The following SIPA1L1 variants were observed in gnomAD, a reference collection of about 807,000 sequenced individuals.
SIPA1L1 encodes the protein signal-induced proliferation-associated 1-like protein 1.
SIPA1L1 carries 26 observed loss-of-function variants against 162.7 expected under a neutral mutation model. The observed-to-expected ratio is 0.16, with a 90% CI of 0.12 to 0.22. The LOEUF (loss-of-function observed/expected upper bound fraction) is 0.22, where lower values mean the gene tolerates loss of function less well. Ranked by LOEUF, SIPA1L1 falls within the 10% of genes least tolerant of loss-of-function variation. SIPA1L1 has a pLI of 1.00. For synonymous variants in SIPA1L1, 829 were observed against 837.4 expected (o/e 0.99, Z 0.17); for missense variants, 1,874 against 2,241.0 (o/e 0.84, Z 3.31).
intron 4 of SIPA1L1, among the ~76,000 whole-genome samples, chr14:71,567,295 A>G (rs1485281260): frequency 6.6e-6 from 1 of 152,208 alleles, no homozygotes; most frequent in Non-Finnish European, 1.5e-5. Context: ...TCTAAAGAAG[A>G]TGTGAAAGGA....
At chr14:71,482,695 C>G in intron 2 of SIPA1L1, among the ~76,000 whole-genome samples, 2 of 152,298 alleles carry the variant, frequency 1.3e-5, no homozygotes, top group Middle Eastern at 3.4e-3. Flanking sequence ...TATTTAACCT[C>G]TTAAGCTTTC....
chr14:71,528,237 G>A (rs1275813432), intron 3 of SIPA1L1, among the ~76,000 whole-genome samples: 4 of 152,254 alleles, frequency 2.6e-5, no homozygotes, highest in Non-Finnish European at 4.4e-5. Flanking sequence ...TGTCTCCTCA[G>A]ATCTTCAAGT....
intron 2 of SIPA1L1, among the ~76,000 whole-genome samples, chr14:71,415,506 G>T (rs1566993009): frequency 6.6e-6 from 1 of 152,186 alleles, no homozygotes; most frequent in Non-Finnish European, 1.5e-5. Context: ...CAAGCAGCCT[G>T]CAGGAATGCT....
chr14:71,409,865 ATTGAC>A (rs2042284775), intron 2 of SIPA1L1, among the ~76,000 whole-genome samples: 1 of 152,184 alleles, frequency 6.6e-6, no homozygotes, highest in South Asian at 2.1e-4. Flanking sequence ...ACTTTTCATA[ATTGAC>A]TTAGTAACAG....
At chr14:71,455,184 G>A (rs1217891504) in intron 2 of SIPA1L1, among the ~76,000 whole-genome samples, 1 of 152,222 alleles carries the variant, frequency 6.6e-6, no homozygotes, top group Non-Finnish European at 1.5e-5. Flanking sequence ...ACTGTAACAA[G>A]TTGGTTTACA....
intron 4 of SIPA1L1, among the ~76,000 whole-genome samples, chr14:71,556,992 G>C (rs2056409801): frequency 6.6e-6 from 1 of 152,154 alleles, no homozygotes; most frequent in Non-Finnish European, 1.5e-5. Context: ...GGAGGTCAGA[G>C]AGAGAGAGAT....
chr14:71,413,770 T>G (rs1322893624), intron 2 of SIPA1L1, among the ~76,000 whole-genome samples: 1 of 152,156 alleles, frequency 6.6e-6, no homozygotes, highest in African/African-American at 2.4e-5. Context: ...TGTATTGAGC[T>G]GCACATAAAG....
intron 2 of SIPA1L1, among the ~76,000 whole-genome samples, chr14:71,472,591 A>C (rs2047546299): frequency 6.6e-6 from 1 of 152,090 alleles, no homozygotes; most frequent in South Asian, 2.1e-4. Context: ...ACAGTCATTC[A>C]GGAGACTGAT....
intron 2 of SIPA1L1, among the ~76,000 whole-genome samples, chr14:71,477,588 A>G (rs1458090444): frequency 6.6e-6 from 1 of 152,204 alleles, no homozygotes; most frequent in Non-Finnish European, 1.5e-5. Context: ...TGAGCCTCCC[A>G]AAGTGCGAGG....
At chr14:71,446,894 G>GGTTTTTTTTTTTTTTT (rs2045394010) in intron 2 of SIPA1L1, among the ~76,000 whole-genome samples, 4 of 87,406 alleles carry the variant, frequency 4.6e-5, no homozygotes, top group African/African-American at 1.3e-4. Flanking sequence ...GATGGGCTCT[G>GGTTTTTTTTTTTTTTT]TTTTTTTTTT....
At position 71,739,225 on chromosome 14, in the gene SIPA1L1, T is replaced by A; in HGVS notation, c.*64T>A. On this transcript the variant is annotated 3_prime_UTR_variant, in exon 24 of 24. Transcript: ENST00000381232. ...CCTCCAGTGAGTGTCCTGCAGCCCT[T>A]ATTCCCTCCATAGAAAGCATCCTCA... 1 of 1,472,996 alleles carries A rather than the reference T, an allele frequency of 6.8e-7. No individual in the cohort carries two copies. Among genetic ancestry groups the A allele is most frequent in the Non-Finnish European group, 9.1e-7 (1 of 1,098,544 alleles). 91.2% of individuals were successfully genotyped at this position (1,472,996 alleles called of 1,614,324 possible). A position where few individuals can be genotyped will look rare whatever the true frequency, so the allele number is the denominator to read the frequency against.
At chr14:71,396,987 T>A (rs2041257382) in intron 2 of SIPA1L1, among the ~76,000 whole-genome samples, 1 of 152,228 alleles carries the variant, frequency 6.6e-6, no homozygotes. Context: ...TAAGGTAAAC[T>A]AAATGGACAA....
intron 4 of SIPA1L1, among the ~76,000 whole-genome samples, chr14:71,539,695 G>C (rs1444701381): frequency 6.6e-6 from 1 of 152,008 alleles, no homozygotes; most frequent in African/African-American, 2.4e-5. Flanking sequence ...TTTTTGTTTT[G>C]TGATTTAACT....
At chr14:71,691,416 A>AC (rs1171552309) in intron 13 of SIPA1L1, among the ~76,000 whole-genome samples, 2 of 151,874 alleles carry the variant, frequency 1.3e-5, no homozygotes, top group African/African-American at 4.8e-5. Context: ...ACATAGTGAG[A>AC]CCCCGTATCT....
At chr14:71,615,585 G>A (rs1258730097) in intron 5 of SIPA1L1, among the ~76,000 whole-genome samples, 1 of 152,218 alleles carries the variant, frequency 6.6e-6, no homozygotes, top group Non-Finnish European at 1.5e-5. Flanking sequence ...ATGAGCAACT[G>A]GGTGAATGTG....
chr14:71,376,713 C>T (rs1181897219), intron 2 of SIPA1L1, among the ~76,000 whole-genome samples: 1 of 151,940 alleles, frequency 6.6e-6, no homozygotes, highest in Non-Finnish European at 1.5e-5. Flanking sequence ...GACCCTGCGG[C>T]CTTCCTTAGT....
At chr14:71,616,763 T>C (rs1258137601) in intron 5 of SIPA1L1, among the ~76,000 whole-genome samples, 1 of 152,188 alleles carries the variant, frequency 6.6e-6, no homozygotes, top group South Asian at 2.1e-4. Flanking sequence ...TACCAGAGAA[T>C]AGAGCATGTT....
chr14:71,614,183 A>C (rs908947166), intron 5 of SIPA1L1, among the ~76,000 whole-genome samples: 1 of 150,974 alleles, frequency 6.6e-6, no homozygotes, highest in South Asian at 2.1e-4. Context: ...ATGCCACGGC[A>C]CTCCAGTCTG....
At chr14:71,684,451 C>T (rs566111268) in intron 12 of SIPA1L1, among the ~76,000 whole-genome samples, 3 of 152,374 alleles carry the variant, frequency 2.0e-5, no homozygotes, top group South Asian at 2.1e-4. Context: ...GGCCTTTGGC[C>T]GGACGCCCTT....
Sources: allele counts gnomAD v4.1 joint callset (sites outside exome capture counted in the v4.1 genomes callset), GRCh38; gene constraint gnomAD v4.1.1; transcripts MANE v1.5; gene names NCBI Gene and HGNC (gene_info 2026-07-23, HGNC 2026-07-21).